GRID2: variants seen among roughly 807,000 people sequenced by gnomAD.
GRID2 encodes the protein glutamate receptor ionotropic, delta-2.
A neutral mutation model predicts 114.8 loss-of-function variants in GRID2; 33 were observed. The observed-to-expected ratio is 0.29, with a 90% CI of 0.22 to 0.38. GRID2 has a LOEUF of 0.38. Ranked by LOEUF, GRID2 falls within the 10% of genes least tolerant of loss-of-function variation. GRID2 has a pLI of 1.00. For synonymous variants in GRID2, 505 were observed against 449.9 expected (o/e 1.12, Z -1.55); for missense variants, 1,184 against 1,257.7 (o/e 0.94, Z 0.89).
At chr4:92,490,955 A>G (rs1723118486) in intron 1 of GRID2, among the ~76,000 whole-genome samples, 1 of 152,194 alleles carries the variant, frequency 6.6e-6, no homozygotes, top group Non-Finnish European at 1.5e-5. Context: ...AAATAAAAAC[A>G]AAAATAGAAT....
chr4:92,317,894 G>C (rs1346928982), intron 1 of GRID2, among the ~76,000 whole-genome samples: 1 of 152,082 alleles, frequency 6.6e-6, no homozygotes, highest in Non-Finnish European at 1.5e-5. Context: ...CCAGTGATTG[G>C]CTCAGTTGCT....
intron 2 of GRID2, among the ~76,000 whole-genome samples, chr4:92,880,569 T>C (rs1303021142): frequency 2.6e-5 from 4 of 152,206 alleles, no homozygotes; most frequent in Non-Finnish European, 5.9e-5. Flanking sequence ...CTGTATATCA[T>C]AGAAAGTGTT....
chr4:92,381,027 A>G (rs1729596651), intron 1 of GRID2, among the ~76,000 whole-genome samples: 1 of 151,946 alleles, frequency 6.6e-6, no homozygotes, highest in Non-Finnish European at 1.5e-5. Flanking sequence ...ATTTTTTCCA[A>G]TATTAACCTG....
At chr4:92,571,448 C>T (rs527373473) in intron 1 of GRID2, among the ~76,000 whole-genome samples, 96 of 152,022 alleles carry the variant, frequency 6.3e-4, no homozygotes, top group African/African-American at 2.2e-3. Context: ...ACTTTAACAC[C>T]CCACTGTCAA....
intron 2 of GRID2, among the ~76,000 whole-genome samples, chr4:92,916,236 A>G (rs1291459277): frequency 6.6e-6 from 1 of 152,098 alleles, no homozygotes; most frequent in Non-Finnish European, 1.5e-5. Flanking sequence ...TAATGAGTTA[A>G]TTTTTATACA....
At chr4:92,777,726 A>G (rs1452879145) in intron 2 of GRID2, among the ~76,000 whole-genome samples, 3 of 147,870 alleles carry the variant, frequency 2.0e-5, no homozygotes, top group African/African-American at 7.6e-5. Context: ...CTAGGAATGC[A>G]TGTGCACAGA....
At chr4:93,057,249 C>T (rs550342618) in intron 2 of GRID2, among the ~76,000 whole-genome samples, 1 of 151,540 alleles carries the variant, frequency 6.6e-6, no homozygotes, top group Non-Finnish European at 1.5e-5. Flanking sequence ...TACGACTTCC[C>T]AATATAGAAA....
At chr4:93,437,993 G>C (rs1199461629) in intron 10 of GRID2, among the ~76,000 whole-genome samples, 1 of 152,122 alleles carries the variant, frequency 6.6e-6, no homozygotes, top group Non-Finnish European at 1.5e-5. Context: ...TGGAGGGAGA[G>C]AGAGACCTTC....
At chr4:93,111,074 A>G (rs1250975159) in intron 4 of GRID2, 121 bp downstream of exon 4, 1 of 664,056 alleles carries the variant, frequency 1.5e-6, no homozygotes, top group African/African-American at 1.8e-5. Context: ...AATTCTTGTT[A>G]ACACTAATGG....
chr4:93,391,814 A>G (rs1764883040), intron 8 of GRID2, among the ~76,000 whole-genome samples: 1 of 152,192 alleles, frequency 6.6e-6, no homozygotes, highest in South Asian at 2.1e-4. Flanking sequence ...TACTGTGCTC[A>G]TGCAAATACA....
intron 2 of GRID2, among the ~76,000 whole-genome samples, chr4:92,600,434 T>A (rs1278417487): frequency 1.3e-5 from 2 of 152,054 alleles, no homozygotes; most frequent in African/African-American, 4.8e-5. Context: ...AATCCTGCTT[T>A]TATTATGTTA....
chr4:92,958,425 G>A (rs1379255002), intron 2 of GRID2, among the ~76,000 whole-genome samples: 1 of 151,994 alleles, frequency 6.6e-6, no homozygotes, highest in African/African-American at 2.4e-5. Context: ...TATTGATACA[G>A]TTTTGTGATC....
At chr4:92,652,779 C>G (rs1471175362) in intron 2 of GRID2, among the ~76,000 whole-genome samples, 1 of 135,282 alleles carries the variant, frequency 7.4e-6, no homozygotes, top group African/African-American at 2.8e-5. Flanking sequence ...AGTTCAAGAC[C>G]AGCCTGGCCA....
intron 2 of GRID2, among the ~76,000 whole-genome samples, chr4:92,617,044 ATTTG>A (rs2149234639): frequency 6.6e-6 from 1 of 151,352 alleles, no homozygotes; most frequent in African/African-American, 2.4e-5. Flanking sequence ...AAACTTTATT[ATTTG>A]TTTATGTTGG....
intron 2 of GRID2, among the ~76,000 whole-genome samples, chr4:92,636,298 C>G (rs1029233244): frequency 9.2e-5 from 14 of 151,560 alleles, no homozygotes; most frequent in Non-Finnish European, 1.8e-4. Flanking sequence ...AGTATAGAAG[C>G]CTTTTTGGCT....
chr4:93,462,394 TCAAA>T (rs1723831396), intron 11 of GRID2, among the ~76,000 whole-genome samples: 1 of 152,088 alleles, frequency 6.6e-6, no homozygotes, highest in African/African-American at 2.4e-5. Flanking sequence ...TTCTTAAAGA[TCAAA>T]TAGCTCCACA....
chr4:92,399,383 C>A (rs916139367), intron 1 of GRID2, among the ~76,000 whole-genome samples: 1 of 152,116 alleles, frequency 6.6e-6, no homozygotes, highest in African/African-American at 2.4e-5. Context: ...ACCCATCTAT[C>A]CCACTAACAG....
intron 2 of GRID2, among the ~76,000 whole-genome samples, chr4:92,860,633 C>A (rs767383206): frequency 2.0e-5 from 3 of 152,050 alleles, no homozygotes; most frequent in Non-Finnish European, 4.4e-5. Context: ...CAGTTGAAGA[C>A]TAAGGTAGAA....
rs139424061 is a variant in GRID2 at position 92,776,514 on chromosome 4, G to A, written c.244+186228G>A. Among the ~76,000 whole-genome samples the A allele has an allele frequency of 2.3e-3, 347 of 152,222 alleles. 1 individual carries two copies. Among genetic ancestry groups the A allele is most frequent in the African/African-American group, 8.1e-3 (335 of 41,550 alleles). ...AGGGGGAGGGTATGTGTGTGAGGGTGTGTGTGCTAGAAGAGGATTACATTA... is the reference window on the plus strand; with the variant it reads ...AGGGGGAGGGTATGTGTGTGAGGGTATGTGTGCTAGAAGAGGATTACATTA... On this transcript the variant is annotated intron_variant, in intron 2 of 15. Transcript: ENST00000282020.
Sources: allele counts gnomAD v4.1 joint callset (sites outside exome capture counted in the v4.1 genomes callset), GRCh38; gene constraint gnomAD v4.1.1; transcripts MANE v1.5; gene names NCBI Gene and HGNC (gene_info 2026-07-23, HGNC 2026-07-21).